Variants in GATAD2A observed in about 807,000 individuals in gnomAD.
GATAD2A encodes transcriptional repressor p66-alpha.
A neutral mutation model predicts 68.5 loss-of-function variants in GATAD2A; 12 were observed. The observed-to-expected ratio is 0.18, with a 90% confidence interval of 0.11 to 0.28. The LOEUF is 0.28. Ranked by LOEUF, GATAD2A falls within the 10% of genes least tolerant of loss-of-function variation. The pLI is 1.00. For synonymous variants in GATAD2A, 410 were observed against 375.3 expected (o/e 1.09, Z -1.07); for missense variants, 755 against 868.5 (o/e 0.87, Z 1.64).
At chr19:19,452,247 C>G (rs1330999406) in intron 1 of GATAD2A, among the ~76,000 whole-genome samples, 1 of 152,140 alleles carries the variant, frequency 6.6e-6, no homozygotes, top group Non-Finnish European at 1.5e-5. Context: ...TGTTCCTTGT[C>G]CCCTTCCCAG....
rs536853949 is a variant in GATAD2A at position 19,455,318 on chromosome 19, C to A, written c.-6-10022C>A. On this transcript the variant is annotated intron_variant, in intron 1 of 11. Coordinates refer to ENST00000683918, the MANE Select transcript of GATAD2A (RefSeq NM_001384528.1). ...CAGCCTGGGCAACACAGTGAAACCC[C>A]GTCTCTACTAAAATACAAAAAGTTA... Among the ~76,000 whole-genome samples, 365 of 152,106 alleles carry A rather than the reference C, an allele frequency of 2.4e-3. 2 individuals carry two copies. Among genetic ancestry groups the A allele is most frequent in the African/African-American group, 8.4e-3 (348 of 41,476 alleles).
intron 1 of GATAD2A, among the ~76,000 whole-genome samples, chr19:19,449,728 C>T (rs1013274683): frequency 6.6e-6 from 1 of 152,012 alleles, no homozygotes; most frequent in Non-Finnish European, 1.5e-5. Flanking sequence ...CCCAGGAGGT[C>T]GAAGCTACAG....
rs891382537 is a variant in GATAD2A at position 19,457,029 on chromosome 19, C to G, written c.-6-8311C>G. ...AAGGAGCAACAGATTTGGATGAAAC[C>G]CTGAGGATCCCAGAGCTGAAAGTGA... On this transcript the variant is annotated intron_variant, in intron 1 of 11. Coordinates refer to ENST00000683918, the MANE Select transcript of GATAD2A (RefSeq NM_001384528.1). 5.6e-6 allele frequency: 5 copies of G among 885,518 alleles called. No homozygotes were observed. In the African/African-American group the frequency reaches 9.1e-5, roughly 16 times the overall value. The allele number at this position is 885,518 out of a possible 1,614,324, so 54.9% of individuals were successfully genotyped here.
At chr19:19,425,921 C>G (rs1160183254) in intron 1 of GATAD2A, among the ~76,000 whole-genome samples, 2 of 152,056 alleles carry the variant, frequency 1.3e-5, no homozygotes, top group Admixed American at 6.6e-5. Context: ...TCTAGCGTAG[C>G]TGGGACTACA....
intron 1 of GATAD2A, among the ~76,000 whole-genome samples, chr19:19,395,684 T>C (rs1030654754): frequency 5.9e-5 from 9 of 152,132 alleles, no homozygotes; most frequent in Admixed American, 3.3e-4. Context: ...CCTGGAGGTG[T>C]GTATGGAACT....
At chr19:19,486,884 G>GTGTC (rs2059474864) in intron 2 of GATAD2A, among the ~76,000 whole-genome samples, 1 of 152,246 alleles carries the variant, frequency 6.6e-6, no homozygotes, top group Non-Finnish European at 1.5e-5. Flanking sequence ...GGAGAGGGAA[G>GTGTC]TGTCACTTGC....
At chr19:19,400,901 A>G (rs1845360729), upstream of GATAD2A, among the ~76,000 whole-genome samples, 1 of 152,082 alleles carries the variant, frequency 6.6e-6, no homozygotes, top group African/African-American at 2.4e-5. Context: ...TAATCCCAGC[A>G]CTTTGGGAGG....
chr19:19,402,864 C>T (rs1294686265), upstream of GATAD2A, among the ~76,000 whole-genome samples: 1 of 149,776 alleles, frequency 6.7e-6, no homozygotes, highest in African/African-American at 2.5e-5. Flanking sequence ...ACCTCCGCCT[C>T]TTGGGTTCAG....
chr19:19,488,519 G>T (rs968688688), intron 2 of GATAD2A, among the ~76,000 whole-genome samples: 2 of 152,222 alleles, frequency 1.3e-5, no homozygotes, highest in African/African-American at 2.4e-5. Flanking sequence ...TATTAACCAC[G>T]TACTGGCCGC....
At chr19:19,487,603 G>A (rs963184857) in intron 2 of GATAD2A, among the ~76,000 whole-genome samples, 15 of 147,330 alleles carry the variant, frequency 1.0e-4, no homozygotes, top group Admixed American at 8.6e-4. Context: ...GCACTCCCCC[G>A]AGTGGAACCC....
intron 1 of GATAD2A, among the ~76,000 whole-genome samples, chr19:19,397,658 C>T (rs1245195756): frequency 6.6e-6 from 1 of 152,186 alleles, no homozygotes; most frequent in African/African-American, 2.4e-5. Flanking sequence ...GAACAGACTT[C>T]AGGGCTGCTT....
intron 1 of GATAD2A, among the ~76,000 whole-genome samples, chr19:19,414,555 T>G (rs2051343569): frequency 8.0e-6 from 1 of 124,992 alleles, no homozygotes; most frequent in Admixed American, 8.3e-5. Context: ...TTTTTTTTTT[T>G]GAAACAGAGT....
intron 1 of GATAD2A, among the ~76,000 whole-genome samples, chr19:19,416,365 G>T (rs1178185045): frequency 6.6e-6 from 1 of 152,128 alleles, no homozygotes; most frequent in Non-Finnish European, 1.5e-5. Context: ...TTTGGGGTGG[G>T]GGTGGTGGCA....
rs1015365767 is a variant in GATAD2A at position 19,484,519 on chromosome 19, TTTTTTTTTTTTTC to T, written c.270-7774_270-7762del. Among the ~76,000 whole-genome samples the T allele has an allele frequency of 1.9e-4, 14 of 72,004 alleles. No homozygotes were observed. The South Asian group carries it at 3.4e-3, about 18-fold the overall frequency. 47.2% of individuals were successfully genotyped at this position (72,004 alleles called of 152,430 possible). A position where few individuals can be genotyped will look rare whatever the true frequency, so the allele number is the denominator to read the frequency against. On this transcript the variant is annotated intron_variant, in intron 2 of 11. Transcript: ENST00000683918. ...CTCTGTCACAGGATTTTTCTTTTTC[TTTTTTTTTTTTTC>T]TTTTTTTTTTTTTTTTTTGAGACGG...
chr19:19,456,015 A>G lies in GATAD2A; in HGVS notation c.-6-9325A>G, dbSNP rs906962221. 9.2e-5 allele frequency among the ~76,000 whole-genome samples: 14 copies of G among 151,718 alleles called. No homozygotes were observed. In the East Asian group the frequency reaches 1.6e-3, roughly 17 times the overall value. On this transcript the variant is annotated intron_variant, in intron 1 of 11. Coordinates refer to ENST00000683918, the MANE Select transcript of GATAD2A (RefSeq NM_001384528.1). ...AATACAAAAACAAAATTAGCCGGGCATGGTGGTGGGCGCCTGTAGTCCCAG... is the reference window on the plus strand; with the variant it reads ...AATACAAAAACAAAATTAGCCGGGCGTGGTGGTGGGCGCCTGTAGTCCCAG...
chr19:19,466,447 G>A (rs921229705), intron 2 of GATAD2A, among the ~76,000 whole-genome samples: 4 of 152,082 alleles, frequency 2.6e-5, no homozygotes, highest in Non-Finnish European at 4.4e-5. Flanking sequence ...TCTCCTCACC[G>A]CCCACTGGAG....
At chr19:19,484,518 C>CTTTTTTTTTTTTCTTTTT (rs2059278742) in intron 2 of GATAD2A, among the ~76,000 whole-genome samples, 62 of 114,462 alleles carry the variant, frequency 5.4e-4, no homozygotes, top group Non-Finnish European at 6.5e-4. Flanking sequence ...TTTTCTTTTT[C>CTTTTTTTTTTTTCTTTTT]TTTTTTTTTT....
intron 1 of GATAD2A, among the ~76,000 whole-genome samples, chr19:19,420,331 CTTTT>C (rs1184441572): frequency 1.2e-5 from 1 of 86,068 alleles, no homozygotes; most frequent in African/African-American, 4.6e-5. Flanking sequence ...CCCATCTTGA[CTTTT>C]TTTTTTTTTT....
chr19:19,425,719 G>T (rs1264060735), intron 1 of GATAD2A, among the ~76,000 whole-genome samples: 1 of 152,106 alleles, frequency 6.6e-6, no homozygotes, highest in Non-Finnish European at 1.5e-5. Flanking sequence ...AACTCCCATG[G>T]GCCCAAGGGA....
Sources: allele counts gnomAD v4.1 joint callset (sites outside exome capture counted in the v4.1 genomes callset), GRCh38; gene constraint gnomAD v4.1.1; transcripts MANE v1.5; gene names NCBI Gene and HGNC (gene_info 2026-07-23, HGNC 2026-07-21).